POF1B: variants seen among roughly 807,000 people sequenced by gnomAD.
The protein encoded by POF1B is protein POF1B.
In POF1B, 53 loss-of-function variants were observed where a neutral mutation model predicts 55.3. The observed-to-expected ratio is 0.96, with a 90% CI of 0.77 to 1.20. The LOEUF (loss-of-function observed/expected upper bound fraction) is 1.20, where lower values mean the gene tolerates loss of function less well. Among genes scored for constraint, POF1B ranks in the 50% most tolerant of loss-of-function variants. The pLI is 0.00. For synonymous variants in POF1B, 188 were observed against 148.3 expected (o/e 1.27, Z -1.95); for missense variants, 478 against 420.5 (o/e 1.14, Z -1.20).
chrX:85,347,541 A>C (rs900405140), intron 5 of POF1B, among the ~76,000 whole-genome samples: 5 of 111,012 alleles, frequency 4.5e-5, no homozygotes, highest in Non-Finnish European at 9.5e-5. Flanking sequence ...GTGTCTGGAT[A>C]AGGAGGTTTA....
chrX:85,372,502 A>G (rs924553251), intron 2 of POF1B, among the ~76,000 whole-genome samples: 1 of 108,128 alleles, frequency 9.2e-6, no homozygotes, highest in African/African-American at 3.4e-5. Flanking sequence ...TTATTCATAA[A>G]AGTATATCTT....
intron 6 of POF1B, among the ~76,000 whole-genome samples, chrX:85,336,776 A>C (rs1436616147): frequency 9.0e-6 from 1 of 111,500 alleles, no homozygotes; most frequent in African/African-American, 3.3e-5. Context: ...ACAAGTTAAA[A>C]GCTGTACAGA....
intron 4 of POF1B, among the ~76,000 whole-genome samples, chrX:85,355,864 C>T (rs1208114980): frequency 1.8e-5 from 2 of 111,478 alleles, no homozygotes; most frequent in Non-Finnish European, 1.9e-5. Flanking sequence ...GTTGGTGGGA[C>T]TGTAAACTAG....
At chrX:85,340,231 T>C (rs1933147582) in intron 6 of POF1B, among the ~76,000 whole-genome samples, 1 of 111,210 alleles carries the variant, frequency 9.0e-6, no homozygotes, top group South Asian at 3.8e-4. Flanking sequence ...TGGTTTAGTC[T>C]GAAGACTCTC....
At position 85,379,512 on chromosome X, in the gene POF1B, G is replaced by T. The variant is rs113167353; in HGVS notation, c.-41-17C>A. 2 of 1,135,196 alleles carry T rather than the reference G, an allele frequency of 1.8e-6. No homozygotes were observed. Among genetic ancestry groups the T allele is most frequent in the African/African-American group, 1.8e-5 (1 of 54,782 alleles). 93.6% of individuals were successfully genotyped at this position (1,135,196 alleles called of 1,213,427 possible). The stretch of plus-strand genomic sequence containing the variant: ...ATGTTCTACCTAAGGAACAAACAGA[G>T]AAATATAATGGAAAAAAAAGACAGG... On this transcript the variant is annotated splice_polypyrimidine_tract_variant and intron_variant, in intron 1 of 16. Transcript: ENST00000262753.
intron 15 of POF1B, among the ~76,000 whole-genome samples, chrX:85,294,280 T>C (rs900361463): frequency 2.7e-5 from 3 of 111,752 alleles, no homozygotes; most frequent in Non-Finnish European, 3.8e-5. Flanking sequence ...AGAGAGAACA[T>C]CTTTGTCTTG....
At chrX:85,334,588 T>C (rs1933034243) in intron 6 of POF1B, among the ~76,000 whole-genome samples, 1 of 111,353 alleles carries the variant, frequency 9.0e-6, no homozygotes, top group Admixed American at 9.6e-5. Flanking sequence ...CCCATGATGA[T>C]AATAGCTCCA....
chrX:85,336,344 T>G (rs761767454), intron 6 of POF1B, among the ~76,000 whole-genome samples: 29 of 111,078 alleles, frequency 2.6e-4, no homozygotes, highest in Non-Finnish European at 4.5e-4. Flanking sequence ...TGCTGGATCA[T>G]ATGGTAGCTC....
chrX:85,315,090 AT>A (rs745332849), intron 8 of POF1B, among the ~76,000 whole-genome samples: 147 of 111,588 alleles, frequency 1.3e-3, no homozygotes, highest in Non-Finnish European at 2.1e-3. Context: ...TTACTGCATA[AT>A]TGTAATGAAT....
Position 85,302,331 on chromosome X carries a change from AT to A in POF1B, c.1649+1074del, listed in dbSNP as rs200420781. On this transcript the variant is annotated intron_variant, in intron 15 of 16. Transcript: ENST00000262753. ...AGATGTATAAATGGCCAATAAGCAC[AT>A]AAAAATTGCTAAAAAACATTAGTTA... Among the ~76,000 whole-genome samples the A allele has an allele frequency of 3.9e-3, 439 of 111,743 alleles. 5 individuals are homozygous for A. Among genetic ancestry groups the A allele is most frequent in the African/African-American group, 0.013 (411 of 30,858 alleles).
chrX:85,284,816 T>A (rs935044771), intron 15 of POF1B, among the ~76,000 whole-genome samples: 2 of 111,861 alleles, frequency 1.8e-5, no homozygotes, highest in Non-Finnish European at 3.8e-5. Context: ...GGGATCTAAT[T>A]AAACTCAAGA....
intron 9 of POF1B, among the ~76,000 whole-genome samples, chrX:85,313,316 C>G (rs759295176): frequency 9.0e-6 from 1 of 111,380 alleles, no homozygotes; most frequent in Non-Finnish European, 1.9e-5. Flanking sequence ...GTTGGTTTGT[C>G]GTAAATAGCT....
intron 6 of POF1B, among the ~76,000 whole-genome samples, chrX:85,344,322 C>G (rs1270699049): frequency 3.6e-5 from 4 of 111,297 alleles, no homozygotes; most frequent in African/African-American, 1.3e-4. Flanking sequence ...CATGCAATAT[C>G]ACAATACCAT....
At chrX:85,285,545 G>A (rs770345294) in intron 15 of POF1B, among the ~76,000 whole-genome samples, 3 of 107,157 alleles carry the variant, frequency 2.8e-5, no homozygotes, top group Admixed American at 1.0e-4. Flanking sequence ...GCAAACTACC[G>A]CAAGGACAGA....
intron 4 of POF1B, among the ~76,000 whole-genome samples, chrX:85,357,602 T>C (rs1053951941): frequency 1.2e-4 from 13 of 111,278 alleles, no homozygotes; most frequent in African/African-American, 3.3e-4. Flanking sequence ...TGCCTTTTGG[T>C]CATTTGAGAC....
At chrX:85,363,816 T>C (rs1282984998) in intron 3 of POF1B, among the ~76,000 whole-genome samples, 2 of 111,385 alleles carry the variant, frequency 1.8e-5, no homozygotes, top group South Asian at 3.8e-4. Flanking sequence ...ATTTTCTGCC[T>C]TGATGAGCTG....
At chrX:85,328,325 C>T (rs1190511792) in intron 7 of POF1B, among the ~76,000 whole-genome samples, 1 of 108,583 alleles carries the variant, frequency 9.2e-6, no homozygotes, top group African/African-American at 3.4e-5. Flanking sequence ...CTGCTTTAGC[C>T]TCCTGAGTAG....
chrX:85,305,145 T>C (rs1932542471), intron 13 of POF1B, among the ~76,000 whole-genome samples: 1 of 111,622 alleles, frequency 9.0e-6, no homozygotes, highest in Admixed American at 9.5e-5. Context: ...TTCATTTTGA[T>C]TTTTGGTAAA....
intron 15 of POF1B, among the ~76,000 whole-genome samples, chrX:85,299,924 G>C (rs1166957554): frequency 8.9e-6 from 1 of 112,624 alleles, no homozygotes; most frequent in Non-Finnish European, 1.9e-5. Context: ...TTTGTCTGTT[G>C]ATTCTGTGGA....
Sources: allele counts gnomAD v4.1 joint callset (sites outside exome capture counted in the v4.1 genomes callset), GRCh38; gene constraint gnomAD v4.1.1; transcripts MANE v1.5; gene names NCBI Gene and HGNC (gene_info 2026-07-23, HGNC 2026-07-21).